The following DNAH12 variants were observed in gnomAD, a reference collection of about 807,000 sequenced individuals.
DNAH12 encodes dynein axonemal heavy chain 12.
In DNAH12, 285 loss-of-function variants were observed where a neutral mutation model predicts 371.5. That is an observed-to-expected ratio of 0.77 (90% CI 0.70 to 0.85). The LOEUF (loss-of-function observed/expected upper bound fraction) is 0.85. DNAH12 is among the 40% of genes least tolerant of loss of function. The pLI is 0.00. For synonymous variants in DNAH12, 1,200 were observed against 1,213.0 expected, an observed-to-expected ratio of 0.99 and a Z score of 0.22; for missense variants, 3,611 against 3,689.4, an observed-to-expected ratio of 0.98 and a Z score of 0.55.
intron 45 of DNAH12, among the ~76,000 whole-genome samples, chr3:57,390,091 C>T (rs1230675151): frequency 4.7e-5 from 7 of 149,322 alleles, no homozygotes; most frequent in Admixed American, 4.0e-4. Context: ...ACCTCAGCCT[C>T]CCAAAGTGCT....
rs183503861 is a variant in DNAH12 at position 57,471,758 on chromosome 3, T to C, written c.1777-152A>G. On this transcript the variant is annotated intron_variant, in intron 14 of 73. Coordinates refer to ENST00000495027, the MANE Select transcript of DNAH12 (RefSeq NM_001366028.2). ...ATGCCTATAATTACTAATATAAAAA[T>C]GCAAAGAATAAACCACACAGAAAAA... 1.8e-4 allele frequency among the ~76,000 whole-genome samples: 27 copies of C among 152,174 alleles called. No individual in the cohort carries two copies. The East Asian group carries it at 2.9e-3, about 16-fold the overall frequency.
In DNAH12 at chr3:57,445,259, T is replaced by G. The variant is rs1335841050; in HGVS notation, c.4340A>C (p.Asp1447Ala). 6.4e-6 allele frequency: 10 copies of G among 1,551,504 alleles called. No homozygotes were observed. Among genetic ancestry groups the G allele is most frequent in the Non-Finnish European group, 8.7e-6 (10 of 1,146,864 alleles). ...SEQLSSQFHY[D>A]YGMRAVKAVL... ...GGCTTTTACTGCTCGCATTCCATAG[T>G]CGTAATGAAATTGCGATGAGAGCTG... Residue 1447 changes from aspartate (D) to alanine (A), a missense_variant, in exon 28 of 74, where the codon GAC becomes GCC. Around this residue, in one of 3 missense-constraint regions of DNAH12, gnomAD observed 2,266 missense variants for 2,236.9 expected, o/e 1.01. Transcript: ENST00000495027.
At chr3:57,470,709 T>G in intron 15 of DNAH12, 73 bp from the exon 16 acceptor site, 1 of 1,208,524 alleles carries the variant, frequency 8.3e-7, no homozygotes, top group Non-Finnish European at 1.1e-6. Flanking sequence ...TATGATACTG[T>G]GTACAATATG....
the DNAH12 span, among the ~76,000 whole-genome samples, chr3:57,549,486 C>T: frequency 6.6e-6 from 1 of 152,138 alleles, no homozygotes; most frequent in Non-Finnish European, 1.5e-5. Context: ...CACTGCACTC[C>T]AGCCTGGGCA....
chr3:57,405,084 C>T lies in DNAH12; in HGVS notation c.6640G>A (p.Asp2214Asn), dbSNP rs1230418451. The T allele has an allele frequency of 1.3e-6, 2 of 1,546,528 alleles. No individual in the cohort carries two copies. The highest frequency in any genetic ancestry group is 8.7e-7 in the Non-Finnish European group (1 of 1,145,352). Residue 2214 changes from aspartate to asparagine, a missense_variant, in exon 42 of 74, where the codon GAT (aspartate) becomes AAT (asparagine). By Grantham distance (23) the Asp-to-Asn change is conservative. Around this residue, in one of 3 missense-constraint regions of DNAH12, gnomAD observed 2,266 missense variants for 2,236.9 expected, o/e 1.01. Coordinates refer to ENST00000495027, the MANE Select transcript of DNAH12 (RefSeq NM_001366028.2). ...GDYMNPDLEG[D>N]DRVYIEIPNI... ...GGAATTTCAATATAAACTCTATCATCTCCTTCAAGGTCAGGATTCATATAA... is the reference window on the plus strand; with the variant it reads ...GGAATTTCAATATAAACTCTATCATTTCCTTCAAGGTCAGGATTCATATAA...
intron 69 of DNAH12, among the ~76,000 whole-genome samples, chr3:57,307,582 C>CT (rs2061498232): frequency 6.6e-6 from 1 of 152,164 alleles, no homozygotes; most frequent in African/African-American, 2.4e-5. Flanking sequence ...CTATGCTCAA[C>CT]TCACTCTCTA....
chr3:57,378,745 C>T (rs2063330580), intron 52 of DNAH12, among the ~76,000 whole-genome samples: 1 of 152,294 alleles, frequency 6.6e-6, no homozygotes, highest in East Asian at 1.9e-4. Flanking sequence ...TTCAGGGGAT[C>T]TTTCCATGCT....
At position 57,301,849 on chromosome 3, in the gene DNAH12, G is replaced by A. The variant is rs768193668; in HGVS notation, c.11280C>T (p.Ser3760=). The A allele has an allele frequency of 7.1e-6, 11 of 1,551,534 alleles. No individual in the cohort carries two copies. In the Admixed American group the frequency reaches 1.2e-4, roughly 17 times the overall value. The part of the protein sequence containing the change: ...VVMDSALEAL[S]GSLLVGKVPE... ...GAACCTTTCCAACAAGTAAGCTACCGGAGAGTGCCTCCAATGCAGAATCCA... is the reference window on the plus strand; with the variant it reads ...GAACCTTTCCAACAAGTAAGCTACCAGAGAGTGCCTCCAATGCAGAATCCA... The change falls in exon 70 of 74, where the codon TCC becomes TCT. Residue 3760 remains serine (S), a synonymous_variant. Transcript: ENST00000495027.
intron 10 of DNAH12, among the ~76,000 whole-genome samples, chr3:57,501,981 A>C (rs1263489998): frequency 6.6e-6 from 1 of 150,930 alleles, no homozygotes; most frequent in East Asian, 1.9e-4. Context: ...ATCTCGGCTC[A>C]CTGCAAGCTC....
At chr3:57,431,334 A>G (rs1331845016) in intron 32 of DNAH12, among the ~76,000 whole-genome samples, 1 of 152,204 alleles carries the variant, frequency 6.6e-6, no homozygotes. Flanking sequence ...CAGTGTTTAT[A>G]AAGACTGAGA....
At chr3:57,509,337 C>T in intron 5 of DNAH12, 125 bp from the exon 6 acceptor site, 2 of 879,628 alleles carry the variant, frequency 2.3e-6, no homozygotes, top group Non-Finnish European at 3.4e-6. Context: ...TAAGAAAAAA[C>T]TCCTTTATTT....
chr3:57,360,486 C>T (rs894719624), intron 58 of DNAH12, among the ~76,000 whole-genome samples: 2 of 152,014 alleles, frequency 1.3e-5, no homozygotes, highest in Admixed American at 6.6e-5. Context: ...GTTGGGAGTT[C>T]GAGACCAGCC....
chr3:57,503,864 C>T (rs4681992), intron 9 of DNAH12, 152 bp downstream of exon 9: 2 of 624,568 alleles, frequency 3.2e-6, no homozygotes, highest in Non-Finnish European at 5.1e-6. Flanking sequence ...AGCCTTCAAG[C>T]GACTTTTTCA....
Position 57,445,282 on chromosome 3 carries a change from C to T in DNAH12, c.4317G>A (p.Gln1439=). The T allele has an allele frequency of 6.4e-7, 1 of 1,551,602 alleles. No individual in the cohort carries two copies. The highest frequency in any genetic ancestry group is 1.2e-5 in the South Asian group (1 of 84,034). The change falls in exon 28 of 74, where the codon CAG becomes CAA. Residue 1439 remains glutamine, a synonymous_variant. Transcript: ENST00000495027. ...AGTCGTAATGAAATTGCGATGAGAG[C>T]TGCTCTGAGCAAAGCCTATAGGTCA... ...IVMTYRLCSE[Q]LSSQFHYDYG... is the part of the protein sequence containing the mutation.
At chr3:57,465,366 T>TA (rs1038203459) in intron 17 of DNAH12, among the ~76,000 whole-genome samples, 19 of 152,266 alleles carry the variant, frequency 1.2e-4, no homozygotes, top group South Asian at 2.1e-4. Flanking sequence ...TATCAATTTA[T>TA]AAAAAAACTC....
At chr3:57,315,354 A>G (rs2061664027) in intron 65 of DNAH12, among the ~76,000 whole-genome samples, 1 of 151,372 alleles carries the variant, frequency 6.6e-6, no homozygotes, top group Admixed American at 6.6e-5. Flanking sequence ...CAAGTACACT[A>G]TGCTTTACTG....
chr3:57,350,521 C>T (rs2062647562), intron 60 of DNAH12, among the ~76,000 whole-genome samples: 1 of 152,144 alleles, frequency 6.6e-6, no homozygotes. Flanking sequence ...CACACACACA[C>T]ATCAGTTGCA....
chr3:57,513,200 A>C (rs1356817015), intron 4 of DNAH12, among the ~76,000 whole-genome samples: 1 of 152,196 alleles, frequency 6.6e-6, no homozygotes, highest in Non-Finnish European at 1.5e-5. Context: ...AAAAGGAATG[A>C]GATCATGTCC....
At chr3:57,386,962 T>C (rs1311726321) in intron 46 of DNAH12, 124 bp downstream of exon 46, 1 of 152,330 alleles carries the variant, frequency 6.6e-6, no homozygotes, top group East Asian at 1.9e-4. Context: ...CAAGATATCA[T>C]GTAAACCAGG....
Sources: gnomAD v4.1 joint callset for allele counts (sites outside exome capture counted in the v4.1 genomes callset) on GRCh38, gnomAD v4.1.1 for gene constraint, gnomAD v4.1.1 regional missense constraint, MANE v1.5 for transcripts, NCBI Gene and HGNC (gene_info 2026-07-23, HGNC 2026-07-21) for gene names.